Variants in AGPS observed in about 807,000 individuals in gnomAD.
AGPS encodes alkyldihydroxyacetonephosphate synthase, peroxisomal.
In AGPS, 26 loss-of-function variants were observed where a neutral mutation model predicts 90.7. The ratio of observed to expected loss-of-function variants is 0.29; its 90% CI spans 0.21 to 0.40. The LOEUF is 0.40. Among genes scored for constraint, AGPS ranks in the 10% least tolerant of loss-of-function variants. The probability of loss-of-function intolerance (pLI) is 1.00; values close to 1 mark genes in which losing one functional copy is unlikely to be tolerated. For synonymous variants in AGPS, 294 were observed against 285.3 expected, an observed-to-expected ratio of 1.03 and a Z score of -0.31; for missense variants, 540 against 816.1, an observed-to-expected ratio of 0.66 and a Z score of 4.12.
intron 16 of AGPS, among the ~76,000 whole-genome samples, chr2:177,512,917 C>T (rs1471633880): frequency 6.6e-6 from 1 of 152,004 alleles, no homozygotes; most frequent in East Asian, 1.9e-4. Context: ...GATGTTGGCT[C>T]ACTGCAACCT....
In AGPS at chr2:177,449,250, C is replaced by T. The variant is rs1203187312; in HGVS notation, c.870+3624C>T. Among the ~76,000 whole-genome samples, 3 of 152,120 alleles carry T rather than the reference C, an allele frequency of 2.0e-5. No homozygotes were observed. In the East Asian group the frequency reaches 5.8e-4, roughly 29 times the overall value. On this transcript the variant is annotated intron_variant, in intron 8 of 19. Coordinates refer to ENST00000264167, the MANE Select transcript of AGPS (RefSeq NM_003659.4). ...ATCAAAATGGTAGGTATATATTTAC[C>T]TTTTTGAGAAACTATGAAGTTTTTT...
At chr2:177,461,748 CTTT>C (rs56895184) in intron 8 of AGPS, 142 bp from the exon 9 acceptor site, 5,218 of 461,340 alleles carry the variant, frequency 0.011, no homozygotes, top group Middle Eastern at 0.023. Flanking sequence ...ATAAAAGTAT[CTTT>C]TTTTTTTTTT....
chr2:177,440,664 T>C (rs898547769), intron 5 of AGPS, among the ~76,000 whole-genome samples: 1 of 152,186 alleles, frequency 6.6e-6, no homozygotes, highest in Non-Finnish European at 1.5e-5. Flanking sequence ...TTTATTGTAT[T>C]GTATCAGTGT....
intron 1 of AGPS, among the ~76,000 whole-genome samples, chr2:177,395,576 A>G (rs571891741): frequency 4.6e-5 from 7 of 152,242 alleles, no homozygotes; most frequent in Non-Finnish European, 7.3e-5. Flanking sequence ...TCTCCCTTCT[A>G]CTTCCTACTT....
At chr2:177,428,535 G>A (rs1203589447) in intron 2 of AGPS, among the ~76,000 whole-genome samples, 3 of 152,160 alleles carry the variant, frequency 2.0e-5, no homozygotes, top group Admixed American at 6.5e-5. Flanking sequence ...AATTCCCTCA[G>A]CATTTGCTTG....
At chr2:177,471,684 T>C (rs956855073) in intron 10 of AGPS, among the ~76,000 whole-genome samples, 1 of 152,214 alleles carries the variant, frequency 6.6e-6, no homozygotes, top group Non-Finnish European at 1.5e-5. Flanking sequence ...AGTTATTCTT[T>C]GCTTAAATGA....
At chr2:177,471,827 ATTTCTTTAAG>A (rs1158895370) in intron 10 of AGPS, among the ~76,000 whole-genome samples, 7 of 152,156 alleles carry the variant, frequency 4.6e-5, no homozygotes, top group Non-Finnish European at 1.0e-4. Flanking sequence ...TTGGTCATTA[ATTTCTTTAAG>A]TTTCTTTAAA....
chr2:177,475,924 G>A (rs976376605), intron 10 of AGPS, among the ~76,000 whole-genome samples: 4 of 151,872 alleles, frequency 2.6e-5, no homozygotes, highest in East Asian at 1.9e-4. Context: ...AGTAAATGAC[G>A]GTCCCATTTT....
intron 1 of AGPS, among the ~76,000 whole-genome samples, chr2:177,410,728 C>A (rs1023638488): frequency 1.3e-5 from 2 of 152,098 alleles, no homozygotes; most frequent in African/African-American, 4.8e-5. Context: ...GTCCAGGAGA[C>A]AGTTAACCTC....
intron 10 of AGPS, among the ~76,000 whole-genome samples, chr2:177,474,738 G>C (rs1663948766): frequency 6.6e-6 from 1 of 152,190 alleles, no homozygotes; most frequent in Non-Finnish European, 1.5e-5. Context: ...TTTAGAGCCA[G>C]TTCATTCTTT....
intron 11 of AGPS, among the ~76,000 whole-genome samples, chr2:177,492,585 A>G (rs770240351): frequency 7.2e-5 from 11 of 152,180 alleles, no homozygotes; most frequent in Non-Finnish European, 1.3e-4. Context: ...AGAAAATAAC[A>G]TAGTTTTAAT....
In AGPS at chr2:177,523,792, A is replaced by G; in HGVS notation, c.1842A>G (p.Ser614=). 1 of 1,613,754 alleles carries G rather than the reference A, an allele frequency of 6.2e-7. No homozygotes were observed. Among genetic ancestry groups the G allele is most frequent in the Non-Finnish European group, 8.5e-7 (1 of 1,179,668 alleles). The change falls in exon 19 of 20, where the codon TCA becomes TCG. Residue 614 remains serine (S), a synonymous_variant. Transcript: ENST00000264167. ...TCCTTGCTAATGGAGGGAGCCTGTC[A>G]CATCACCATGGAGGTATTCTTTTTT... ...EEILANGGSL[S]HHHGVGKLRK...
intron 10 of AGPS, among the ~76,000 whole-genome samples, chr2:177,476,078 C>T (rs1459400706): frequency 6.6e-6 from 1 of 151,790 alleles, no homozygotes; most frequent in African/African-American, 2.4e-5. Flanking sequence ...TTCTCGGTCA[C>T]TTTAGCTAAA....
At chr2:177,529,663 G>A (rs1365808675) in intron 19 of AGPS, among the ~76,000 whole-genome samples, 2 of 152,130 alleles carry the variant, frequency 1.3e-5, no homozygotes, top group Non-Finnish European at 2.9e-5. Context: ...GTAAAATAAT[G>A]TGCATTTTTC....
intron 8 of AGPS, among the ~76,000 whole-genome samples, chr2:177,450,391 T>C (rs1179049504): frequency 6.6e-6 from 1 of 152,186 alleles, no homozygotes; most frequent in Non-Finnish European, 1.5e-5. Flanking sequence ...AGAGATTTTC[T>C]CCCATTTGAG....
At chr2:177,485,872 G>T (rs552793690) in intron 11 of AGPS, among the ~76,000 whole-genome samples, 1 of 152,248 alleles carries the variant, frequency 6.6e-6, no homozygotes, top group Admixed American at 6.5e-5. Flanking sequence ...AGTCGTGATC[G>T]TGCCACTGTA....
chr2:177,433,469 G>T (rs1490644547), intron 2 of AGPS, among the ~76,000 whole-genome samples: 3 of 152,090 alleles, frequency 2.0e-5, no homozygotes, highest in African/African-American at 7.2e-5. Context: ...CATTGGCGTA[G>T]CAACAATAGC....
chr2:177,533,353 A>G (rs1245092204), intron 19 of AGPS, among the ~76,000 whole-genome samples: 1 of 152,196 alleles, frequency 6.6e-6, no homozygotes, highest in Non-Finnish European at 1.5e-5. Context: ...AAAAATCTGT[A>G]GCAAGAAGAT....
intron 1 of AGPS, among the ~76,000 whole-genome samples, chr2:177,402,035 A>G (rs1685347541): frequency 6.6e-6 from 1 of 152,192 alleles, no homozygotes; most frequent in African/African-American, 2.4e-5. Flanking sequence ...AAAGATTTTT[A>G]TTTTCTTGGA....
Sources: allele counts gnomAD v4.1 joint callset (sites outside exome capture counted in the v4.1 genomes callset), GRCh38; gene constraint gnomAD v4.1.1; transcripts MANE v1.5; gene names NCBI Gene and HGNC (gene_info 2026-07-23, HGNC 2026-07-21).